Variants in JAM2 observed in about 807,000 individuals in gnomAD.
The protein encoded by JAM2 is junctional adhesion molecule 2.
In JAM2, 17 loss-of-function variants were observed where a neutral mutation model predicts 42.0. That is an observed-to-expected ratio of 0.40 (90% CI 0.28 to 0.61). The LOEUF is 0.61. Among genes scored for constraint, JAM2 ranks in the 20% least tolerant of loss-of-function variants. The probability of loss-of-function intolerance (pLI) is 0.37; values close to 1 mark genes in which losing one functional copy is unlikely to be tolerated. For missense variants in JAM2, 319 were observed against 358.3 expected, an observed-to-expected ratio of 0.89 and a Z score of 0.89; for synonymous variants, 118 against 128.6, an observed-to-expected ratio of 0.92 and a Z score of 0.56.
At chr21:25,679,190 A>G (rs539006635) in intron 1 of JAM2, among the ~76,000 whole-genome samples, 36 of 152,354 alleles carry the variant, frequency 2.4e-4, no homozygotes, top group African/African-American at 7.9e-4. Context: ...TGGAAGACTA[A>G]TTTACATGTT....
chr21:25,706,776 G>A (rs763240467), intron 7 of JAM2, among the ~76,000 whole-genome samples: 14 of 152,124 alleles, frequency 9.2e-5, no homozygotes, highest in Non-Finnish European at 1.9e-4. Context: ...GTCTCACTGT[G>A]TCGCCCAGGC....
intron 1 of JAM2, among the ~76,000 whole-genome samples, chr21:25,651,116 C>G (rs1389256511): frequency 2.1e-5 from 3 of 141,442 alleles, no homozygotes; most frequent in African/African-American, 7.9e-5. Context: ...GTAAACTGGA[C>G]TATAAATCAA....
At chr21:25,694,322 T>C (rs2033949637) in intron 4 of JAM2, among the ~76,000 whole-genome samples, 1 of 152,246 alleles carries the variant, frequency 6.6e-6, no homozygotes, top group African/African-American at 2.4e-5. Context: ...TTAGAAGTCA[T>C]TTGGTAAATA....
chr21:25,650,235 C>A (rs2032734698), intron 1 of JAM2, among the ~76,000 whole-genome samples: 1 of 152,202 alleles, frequency 6.6e-6, no homozygotes, highest in Non-Finnish European at 1.5e-5. Flanking sequence ...TCTTCATTTC[C>A]AAATCAAAGA....
intron 1 of JAM2, among the ~76,000 whole-genome samples, chr21:25,678,150 C>T (rs138727932): frequency 0.011 from 1,673 of 152,258 alleles, 14 homozygotes; most frequent in South Asian, 0.021. Flanking sequence ...CATTTGAACT[C>T]AGGAGGTGGA....
At chr21:25,675,524 GAGAA>G (rs1262138578) in intron 1 of JAM2, among the ~76,000 whole-genome samples, 3 of 145,310 alleles carry the variant, frequency 2.1e-5, no homozygotes, top group Non-Finnish European at 4.5e-5. Context: ...AGGAGAGAGA[GAGAA>G]AGAGAGAGAG....
At chr21:25,654,946 T>C (rs1299889640) in intron 1 of JAM2, among the ~76,000 whole-genome samples, 2 of 152,180 alleles carry the variant, frequency 1.3e-5, no homozygotes, top group Non-Finnish European at 2.9e-5. Flanking sequence ...ATGAAACACA[T>C]GCATCTAAAG....
chr21:25,674,117 G>C (rs947370433), intron 1 of JAM2, among the ~76,000 whole-genome samples: 18 of 152,342 alleles, frequency 1.2e-4, no homozygotes, highest in Admixed American at 1.1e-3. Flanking sequence ...GTCTTGGCCA[G>C]GTGCAGTGGC....
chr21:25,650,609 T>C (rs2032747507), intron 1 of JAM2, among the ~76,000 whole-genome samples: 1 of 152,234 alleles, frequency 6.6e-6, no homozygotes, highest in South Asian at 2.1e-4. Flanking sequence ...TTTTAATAAA[T>C]TGTAATATGT....
At chr21:25,675,090 C>T (rs1181794505) in intron 1 of JAM2, among the ~76,000 whole-genome samples, 4 of 152,016 alleles carry the variant, frequency 2.6e-5, no homozygotes, top group Non-Finnish European at 5.9e-5. Context: ...CTGGGGAGGC[C>T]TCAGGAAGCT....
At chr21:25,698,603 C>A in intron 4 of JAM2, 74 bp from the exon 5 acceptor site, 1 of 1,293,712 alleles carries the variant, frequency 7.7e-7, no homozygotes, top group Non-Finnish European at 1.1e-6. Flanking sequence ...GAGACAAAGT[C>A]AACAGCTTTG....
intron 1 of JAM2, among the ~76,000 whole-genome samples, chr21:25,651,174 A>G (rs1175539049): frequency 6.6e-6 from 1 of 152,044 alleles, no homozygotes. Context: ...AAATCCAAAG[A>G]TAAATGACTA....
chr21:25,698,656 C>A lies in JAM2; in HGVS notation c.395-21C>A, dbSNP rs573322806. 12 of 1,594,140 alleles carry A rather than the reference C, an allele frequency of 7.5e-6. No individual in the cohort carries two copies. The East Asian group carries it at 1.8e-4, about 24-fold the overall frequency. On this transcript the variant is annotated intron_variant, in intron 4 of 9. Transcript: ENST00000480456. ...TGATTAGCTTATAAATAATCAATAT[C>A]ATTTGACTTCCATTGTTCAGTGGCT...
intron 4 of JAM2, among the ~76,000 whole-genome samples, chr21:25,695,309 A>G (rs1420714272): frequency 6.6e-6 from 1 of 152,242 alleles, no homozygotes; most frequent in East Asian, 1.9e-4. Flanking sequence ...AATGTTATAG[A>G]TTAACAGCAT....
rs539141849 is a variant in JAM2, at chr21:25,685,833, A to G, written c.133+1885A>G. On this transcript the variant is annotated intron_variant, in intron 2 of 9. Transcript: ENST00000480456. ...AGAGTGCGAGAGGGGTAAATGGACCAGGATGTCCCTGAGGGACCAAGGAAG... is the reference window on the plus strand; with the variant it reads ...AGAGTGCGAGAGGGGTAAATGGACCGGGATGTCCCTGAGGGACCAAGGAAG... Among the ~76,000 whole-genome samples, 7 of 152,318 alleles carry G rather than the reference A, an allele frequency of 4.6e-5. No homozygotes were observed. The South Asian group carries it at 1.5e-3, about 32-fold the overall frequency.
chr21:25,698,990 G>A, intron 5 of JAM2, 111 bp downstream of exon 5: 1 of 927,056 alleles, frequency 1.1e-6, no homozygotes, highest in Non-Finnish European at 1.7e-6. Context: ...TTGCTAAGTG[G>A]AGAGAGGCAG....
At chr21:25,667,153 G>A (rs964721532) in intron 1 of JAM2, among the ~76,000 whole-genome samples, 30 of 152,202 alleles carry the variant, frequency 2.0e-4, no homozygotes, top group African/African-American at 6.5e-4. Context: ...AAAAGTTCAA[G>A]AAATAAACAA....
intron 7 of JAM2, 78 bp from the exon 8 acceptor site, chr21:25,709,356 C>T: frequency 3.9e-6 from 3 of 767,260 alleles, no homozygotes; most frequent in South Asian, 2.4e-5. Context: ...ATAAATTAAA[C>T]CCAAACTCAT....
At chr21:25,701,612 T>C (rs936038184) in intron 5 of JAM2, among the ~76,000 whole-genome samples, 1 of 152,230 alleles carries the variant, frequency 6.6e-6, no homozygotes, top group Non-Finnish European at 1.5e-5. Context: ...GGCTTTTCTT[T>C]TCAAATTTAA....
Sources: gnomAD v4.1 joint callset for allele counts (sites outside exome capture counted in the v4.1 genomes callset) on GRCh38, gnomAD v4.1.1 for gene constraint, MANE v1.5 for transcripts, NCBI Gene and HGNC (gene_info 2026-07-23, HGNC 2026-07-21) for gene names.